Variants in PDIA5 observed in about 807,000 individuals in gnomAD.
PDIA5 encodes the protein protein disulfide isomerase family A member 5.
In PDIA5, 58 loss-of-function variants were observed where a neutral mutation model predicts 77.6. The observed-to-expected ratio is 0.75, with a 90% CI of 0.61 to 0.93. The LOEUF (loss-of-function observed/expected upper bound fraction) is 0.93. PDIA5 is among the 40% of genes least tolerant of loss of function. The probability of loss-of-function intolerance (pLI) is 0.00; values close to 1 mark genes in which losing one functional copy is unlikely to be tolerated. For synonymous variants in PDIA5, 250 were observed against 252.1 expected (o/e 0.99, Z 0.08); for missense variants, 630 against 647.7 (o/e 0.97, Z 0.30).
In PDIA5 at chr3:123,120,366, A is replaced by G. The variant is rs78605066; in HGVS notation, c.610-3700A>G. Among the ~76,000 whole-genome samples the G allele has an allele frequency of 4.1e-3, 621 of 152,280 alleles. 7 individuals carry two copies. The highest frequency in any genetic ancestry group is 0.013 in the African/African-American group (552 of 41,556). On this transcript the variant is annotated intron_variant, in intron 8 of 16. Transcript: ENST00000316218. ...GGAGATGATAATGCCAACCCTGCCCACACTGGGTTGTGGTGAGGAACAAAT... is the reference window on the plus strand; with the variant it reads ...GGAGATGATAATGCCAACCCTGCCCGCACTGGGTTGTGGTGAGGAACAAAT...
chr3:123,108,072 C>T (rs776615540), intron 6 of PDIA5, among the ~76,000 whole-genome samples: 28 of 152,150 alleles, frequency 1.8e-4, no homozygotes, highest in Non-Finnish European at 2.6e-4. Context: ...GCTGGGATTA[C>T]GGGCATGGGC....
intron 1 of PDIA5, among the ~76,000 whole-genome samples, chr3:123,086,513 AT>A (rs1029937963): frequency 6.6e-6 from 1 of 152,216 alleles, no homozygotes; most frequent in African/African-American, 2.4e-5. Context: ...TGGTCAGATT[AT>A]TTTTAAAAAA....
chr3:123,147,615 A>G (rs1321808756), intron 13 of PDIA5, among the ~76,000 whole-genome samples: 1 of 152,114 alleles, frequency 6.6e-6, no homozygotes, highest in East Asian at 1.9e-4. Context: ...AGATGAATGG[A>G]CTGATGAGAT....
At chr3:123,069,998 G>A (rs891074333) in intron 1 of PDIA5, among the ~76,000 whole-genome samples, 4 of 151,538 alleles carry the variant, frequency 2.6e-5, no homozygotes, top group African/African-American at 9.7e-5. Flanking sequence ...GCTGAGGCAG[G>A]AGAATCGCTT....
chr3:123,118,769 C>T (rs943661534), intron 8 of PDIA5, among the ~76,000 whole-genome samples: 2 of 152,166 alleles, frequency 1.3e-5, no homozygotes, highest in African/African-American at 4.8e-5. Flanking sequence ...CCAGTATATG[C>T]CGATGAATGA....
intron 6 of PDIA5, among the ~76,000 whole-genome samples, chr3:123,107,223 A>G (rs1489259716): frequency 1.3e-5 from 2 of 152,096 alleles, no homozygotes; most frequent in African/African-American, 4.8e-5. Context: ...ATAACCTTAG[A>G]GATTTGGGTT....
chr3:123,117,950 C>T (rs1441266345), intron 8 of PDIA5, among the ~76,000 whole-genome samples: 1 of 152,194 alleles, frequency 6.6e-6, no homozygotes. Context: ...GAAAGGTTAT[C>T]AAGAGGAGCC....
chr3:123,113,596 C>T (rs540003583), intron 7 of PDIA5, among the ~76,000 whole-genome samples: 3 of 152,140 alleles, frequency 2.0e-5, no homozygotes, highest in Admixed American at 6.5e-5. Flanking sequence ...TGATTATGCA[C>T]GTGTGTATGA....
At chr3:123,099,540 G>T (rs983139114) in intron 3 of PDIA5, among the ~76,000 whole-genome samples, 1 of 152,178 alleles carries the variant, frequency 6.6e-6, no homozygotes, top group Non-Finnish European at 1.5e-5. Context: ...AACAAAGAAG[G>T]TGGCACAGAG....
At chr3:123,069,394 A>C (rs912055979) in intron 1 of PDIA5, among the ~76,000 whole-genome samples, 1 of 152,234 alleles carries the variant, frequency 6.6e-6, no homozygotes, top group African/African-American at 2.4e-5. Context: ...GCTCAATAAT[A>C]GTGGCATGGT....
intron 8 of PDIA5, 70 bp downstream of exon 8, chr3:123,116,368 TG>T: frequency 9.3e-7 from 1 of 1,075,918 alleles, no homozygotes. Context: ...GTGCCAGGGG[TG>T]GGGTGGGGAC....
intron 4 of PDIA5, 82 bp from the exon 5 acceptor site, chr3:123,102,669 T>G: frequency 8.1e-7 from 1 of 1,234,516 alleles, no homozygotes; most frequent in East Asian, 2.3e-5. Flanking sequence ...AGCTGAATCT[T>G]ATTAAGATGC....
intron 1 of PDIA5, among the ~76,000 whole-genome samples, chr3:123,071,465 C>T (rs568369200): frequency 7.2e-5 from 11 of 152,256 alleles, no homozygotes; most frequent in Non-Finnish European, 1.3e-4. Context: ...TATTTAGGTT[C>T]TGTACTTCTC....
At chr3:123,155,814 A>G (rs1389078282) in intron 15 of PDIA5, among the ~76,000 whole-genome samples, 4 of 152,138 alleles carry the variant, frequency 2.6e-5, no homozygotes, top group Non-Finnish European at 5.9e-5. Context: ...ACCCAAACCC[A>G]GAGTCACGTG....
intron 8 of PDIA5, among the ~76,000 whole-genome samples, chr3:123,123,645 C>T (rs1043351943): frequency 2.6e-5 from 4 of 152,238 alleles, no homozygotes; most frequent in African/African-American, 9.6e-5. Context: ...ATGAAAGCCA[C>T]TTATTTCCAT....
intron 10 of PDIA5, among the ~76,000 whole-genome samples, chr3:123,126,103 G>GT (rs1032136060): frequency 3.3e-5 from 5 of 151,998 alleles, no homozygotes; most frequent in African/African-American, 4.8e-5. Flanking sequence ...GGTTTATGTG[G>GT]TTTTTTTTAA....
At chr3:123,119,570 G>A (rs889818697) in intron 8 of PDIA5, among the ~76,000 whole-genome samples, 3 of 152,276 alleles carry the variant, frequency 2.0e-5, no homozygotes, top group Middle Eastern at 3.4e-3. Context: ...GCCGCTGCAC[G>A]CATCACCCAC....
intron 5 of PDIA5, 115 bp from the exon 6 acceptor site, chr3:123,106,634 T>C (rs1934739744): frequency 2.8e-6 from 2 of 727,066 alleles, no homozygotes; most frequent in East Asian, 5.3e-5. Flanking sequence ...AGTCCTGAGC[T>C]CAGCAGCTGG....
chr3:123,121,133 T>A (rs1047325594), intron 8 of PDIA5, among the ~76,000 whole-genome samples: 5 of 152,252 alleles, frequency 3.3e-5, no homozygotes, highest in African/African-American at 1.2e-4. Context: ...CTCCTTTCTG[T>A]GTATCCTGCC....
Sources: gnomAD v4.1 joint callset for allele counts (sites outside exome capture counted in the v4.1 genomes callset) on GRCh38, gnomAD v4.1.1 for gene constraint, MANE v1.5 for transcripts, NCBI Gene and HGNC (gene_info 2026-07-23, HGNC 2026-07-21) for gene names.